The following TMPO variants were observed in gnomAD, a reference collection of about 807,000 sequenced individuals.
TMPO encodes the protein LEM domain containing 4.
In TMPO, 22 loss-of-function variants were observed where a neutral mutation model predicts 45.4. The ratio of observed to expected loss-of-function variants is 0.48; its 90% CI spans 0.35 to 0.69. TMPO has a LOEUF of 0.69. TMPO is among the 30% of genes least tolerant of loss of function. The pLI, the probability that TMPO is intolerant of heterozygous loss-of-function variation, is 0.01. For synonymous variants in TMPO, 241 were observed against 204.1 expected (o/e 1.18, Z -1.54); for missense variants, 512 against 548.8 (o/e 0.93, Z 0.67).
chr12:98,522,617 T>G lies in TMPO; in HGVS notation c.280-5269T>G, dbSNP rs568895871. On this transcript the variant is annotated intron_variant, in intron 1 of 8. Coordinates refer to ENST00000556029, the MANE Select transcript of TMPO (RefSeq NM_001032283.3). ...ATTGCATATGTGAAGTGTCTAGTGC[T>G]TAGTAATTAATAGCCATTAAATGAT... is the stretch of plus-strand genomic sequence containing the variant. Among the ~76,000 whole-genome samples, 3 of 152,364 alleles carry G rather than the reference T, an allele frequency of 2.0e-5. No homozygotes were observed. In the South Asian group the frequency reaches 6.2e-4, roughly 32 times the overall value.
At position 98,547,689 on chromosome 12, in the gene TMPO, A is replaced by G. The variant is rs1369578317; in HGVS notation, c.1196A>G (p.Asp399Gly). The G allele has an allele frequency of 8.1e-6, 13 of 1,614,116 alleles. No individual in the cohort carries two copies. The highest frequency in any genetic ancestry group is 1.7e-5 in the Admixed American group (1 of 60,008). The change falls in exon 9 of 9, where the codon GAT (aspartate) becomes GGT (glycine). Residue 399 changes from aspartate to glycine, a missense_variant. Physicochemically the swap from Asp to Gly is moderately conservative, Grantham distance 94. Coordinates refer to ENST00000556029, the MANE Select transcript of TMPO (RefSeq NM_001032283.3). ...KYVPKYVPLA[D>G]VKSEKTKKGR... ...GTTCCTAAGTATGTTCCCTTGGCAG[A>G]TGTCAAGTCAGAAAAGACAAAAAAG...
At chr12:98,532,488 CT>C (rs1877261143) in intron 3 of TMPO, among the ~76,000 whole-genome samples, 2 of 151,682 alleles carry the variant, frequency 1.3e-5, no homozygotes, top group South Asian at 4.1e-4. Flanking sequence ...AATATTTTGA[CT>C]ATATTTTTAG....
At position 98,516,788 on chromosome 12, in the gene TMPO, G is replaced by A. The variant is rs146545275; in HGVS notation, c.279+642G>A. Among the ~76,000 whole-genome samples the A allele has an allele frequency of 4.7e-3, 721 of 152,210 alleles. 4 individuals are homozygous for A. The highest frequency in any genetic ancestry group is 8.4e-3 in the Non-Finnish European group (570 of 68,016). Reference sequence around the variant, plus strand: ...AGCATTTTAAACTATATTTTTAGGCGCCTATTATAATTTTTTAGTTTTTAT... The same window carrying A: ...AGCATTTTAAACTATATTTTTAGGCACCTATTATAATTTTTTAGTTTTTAT... On this transcript the variant is annotated intron_variant, in intron 1 of 8. Coordinates refer to ENST00000556029, the MANE Select transcript of TMPO (RefSeq NM_001032283.3).
intron 7 of TMPO, 112 bp downstream of exon 7, chr12:98,545,173 T>C (rs1878158742): frequency 2.7e-6 from 2 of 754,676 alleles, no homozygotes. Context: ...AGAGCTTTCT[T>C]TATTGGGTGG....
At position 98,528,475 on chromosome 12, in the gene TMPO, C is replaced by T. The variant is rs573765669; in HGVS notation, c.406+463C>T. 3.9e-5 allele frequency among the ~76,000 whole-genome samples: 6 copies of T among 152,058 alleles called. No individual in the cohort carries two copies. The South Asian group carries it at 1.0e-3, about 26-fold the overall frequency. On this transcript the variant is annotated intron_variant, in intron 2 of 8. Transcript: ENST00000556029. ...GTATTTTTCAGTAGAGATGGGATTT[C>T]ACCGTGTTAGCAAGGATGGTCTCGA...
intron 1 of TMPO, among the ~76,000 whole-genome samples, chr12:98,519,872 A>G (rs1159359268): frequency 1.3e-5 from 2 of 152,176 alleles, no homozygotes; most frequent in Non-Finnish European, 2.9e-5. Context: ...AATTCCTCTT[A>G]TATGTACTAT....
chr12:98,544,671 C>T (rs1244462996), intron 6 of TMPO, 134 bp downstream of exon 6: 1 of 771,220 alleles, frequency 1.3e-6, no homozygotes, highest in African/African-American at 1.8e-5. Flanking sequence ...AACTGATTTT[C>T]CCCATATAGT....
chr12:98,542,312 G>A (rs1370018365), intron 4 of TMPO, among the ~76,000 whole-genome samples: 2 of 152,082 alleles, frequency 1.3e-5, no homozygotes, highest in African/African-American at 4.8e-5. Context: ...GTTAGTACGA[G>A]TAACCATATT....
chr12:98,531,567 G>T, intron 2 of TMPO, 113 bp from the exon 3 acceptor site: 1 of 1,148,412 alleles, frequency 8.7e-7, no homozygotes, highest in Admixed American at 2.1e-5. Context: ...TTAAGAACTT[G>T]AGTTTAGAAA....
chr12:98,539,314 C>A (rs920079398), intron 4 of TMPO, among the ~76,000 whole-genome samples: 1 of 151,880 alleles, frequency 6.6e-6, no homozygotes, highest in Admixed American at 6.6e-5. Flanking sequence ...GTTTAGATGA[C>A]AGGCAGAATT....
chr12:98,532,908 A>G (rs770574611), intron 3 of TMPO: 1 of 1,613,976 alleles, frequency 6.2e-7, no homozygotes, highest in Non-Finnish European at 8.5e-7. Context: ...CTGGTGGTGG[A>G]TTTTTTCAGG....
At chr12:98,522,128 G>C (rs190804309) in intron 1 of TMPO, among the ~76,000 whole-genome samples, 4 of 151,860 alleles carry the variant, frequency 2.6e-5, no homozygotes, top group Non-Finnish European at 4.4e-5. Flanking sequence ...CAAACTCCTG[G>C]GCTCAAGCCT....
Position 98,547,808 on chromosome 12 carries a change from G to A in TMPO, c.1315G>A (p.Val439Ile). 1 of 1,614,024 alleles carries A rather than the reference G, an allele frequency of 6.2e-7. No individual in the cohort carries two copies. The highest frequency in any genetic ancestry group is 8.5e-7 in the Non-Finnish European group (1 of 1,180,020). The change falls in exon 9 of 9, where the codon GTA (valine) becomes ATA (isoleucine). Residue 439 changes from valine to isoleucine, a missense_variant. Physicochemically the swap from Val to Ile is conservative, Grantham distance 29 (BLOSUM62 3). Around this residue, in one of 3 missense-constraint regions of TMPO, gnomAD observed 209 missense variants for 235.1 expected, o/e 0.89. Transcript: ENST00000556029. ...CTATCAAGCTATGGAAACCAACCAA[G>A]TAAATCCCTTCTCTAATTTTCTTCA... ...LVYQAMETNQ[V>I]NPFSNFLHVD...
At chr12:98,536,444 C>G (rs902548020) in intron 3 of TMPO, among the ~76,000 whole-genome samples, 9 of 152,012 alleles carry the variant, frequency 5.9e-5, no homozygotes, top group Non-Finnish European at 1.3e-4. Context: ...ACCTCCGCCT[C>G]CCAGGTTCAA....
chr12:98,531,084 G>A (rs374386781), intron 2 of TMPO, among the ~76,000 whole-genome samples: 4 of 152,044 alleles, frequency 2.6e-5, no homozygotes, highest in Middle Eastern at 3.4e-3. Context: ...GATTACAGGC[G>A]CCCACCACCA....
intron 1 of TMPO, among the ~76,000 whole-genome samples, chr12:98,518,494 T>G (rs171615): frequency 6.9e-6 from 1 of 145,884 alleles, no homozygotes; most frequent in African/African-American, 2.5e-5. Flanking sequence ...TTTTTTTTTT[T>G]GGTACACAGG....
intron 1 of TMPO, among the ~76,000 whole-genome samples, chr12:98,517,271 T>G (rs952164492): frequency 6.6e-6 from 1 of 152,208 alleles, no homozygotes; most frequent in Non-Finnish European, 1.5e-5. Context: ...CCTGGTTAAA[T>G]CTCAAATCGG....
chr12:98,527,919 G>A lies in TMPO; in HGVS notation c.313G>A (p.Glu105Lys). The A allele has an allele frequency of 1.2e-6, 2 of 1,613,894 alleles. 1 individual carries two copies. The highest frequency in any genetic ancestry group is 2.2e-5 in the South Asian group (2 of 91,074). ...ATKKTDKPRQ[E>K]DKDDLDVTEL... Reference sequence around the variant, plus strand: ...AAAAAAAACTGATAAACCCAGACAAGAAGATAAAGATGATCTAGATGTAAC... The same window carrying A: ...AAAAAAAACTGATAAACCCAGACAAAAAGATAAAGATGATCTAGATGTAAC... Residue 105 changes from glutamate (E) to lysine (K), a missense_variant, in exon 2 of 9, where the codon GAA becomes AAA. By Grantham distance (56) the Glu-to-Lys change is moderately conservative. Coordinates refer to ENST00000556029, the MANE Select transcript of TMPO (RefSeq NM_001032283.3).
At chr12:98,522,535 C>T (rs1443759347) in intron 1 of TMPO, among the ~76,000 whole-genome samples, 2 of 152,152 alleles carry the variant, frequency 1.3e-5, no homozygotes, top group African/African-American at 2.4e-5. Context: ...CCTCTATTTT[C>T]ACCTGAAATA....
Sources: allele counts gnomAD v4.1 joint callset (sites outside exome capture counted in the v4.1 genomes callset), GRCh38; gene constraint gnomAD v4.1.1; regional missense constraint gnomAD v4.1.1; transcripts MANE v1.5; gene names NCBI Gene and HGNC (gene_info 2026-07-23, HGNC 2026-07-21).